The following ZC4H2 variants were observed in gnomAD, a reference collection of about 807,000 sequenced individuals.
The protein encoded by ZC4H2 is zinc finger C4H2 domain-containing protein.
For missense variants in ZC4H2, 137 were observed against 173.9 expected, an observed-to-expected ratio of 0.79 and a Z score of 1.19; for synonymous variants, 84 against 66.3, an observed-to-expected ratio of 1.27 and a Z score of -1.30.
upstream of ZC4H2, among the ~76,000 whole-genome samples, chrX:64,980,557 C>T (rs377398057): frequency 2.7e-5 from 3 of 112,191 alleles, no homozygotes; most frequent in South Asian, 1.1e-3. Context: ...ACATGCCAGG[C>T]ACTCTCCTAG....
At chrX:65,016,204 G>A (rs1932796244) in intron 1 of ZC4H2, among the ~76,000 whole-genome samples, 1 of 111,215 alleles carries the variant, frequency 9.0e-6, no homozygotes. Context: ...AGCTTCAGGT[G>A]AGATACTAAC....
chrX:64,982,632 GA>G (rs1932104258), intron 1 of ZC4H2, among the ~76,000 whole-genome samples: 1 of 112,113 alleles, frequency 8.9e-6, no homozygotes, highest in Admixed American at 9.4e-5. Flanking sequence ...GCTTCATTTA[GA>G]AATCTCAAAA....
intron 1 of ZC4H2, among the ~76,000 whole-genome samples, chrX:65,026,711 G>GAA (rs537124076): frequency 3.1e-5 from 3 of 97,095 alleles, no homozygotes; most frequent in East Asian, 3.2e-4. Flanking sequence ...TCCGTCTCAG[G>GAA]AAAAAAAAAA....
At chrX:64,944,138 TTTC>T (rs1930420540) in intron 1 of ZC4H2, among the ~76,000 whole-genome samples, 3 of 102,872 alleles carry the variant, frequency 2.9e-5, no homozygotes, top group East Asian at 2.9e-4. Flanking sequence ...TTTTTTCTTT[TTTC>T]TTTTTTTTTT....
At chrX:64,937,457 TCTCCA>T (rs1318536403) in intron 1 of ZC4H2, among the ~76,000 whole-genome samples, 1 of 111,474 alleles carries the variant, frequency 9.0e-6, no homozygotes, top group Non-Finnish European at 1.9e-5. Flanking sequence ...TCTACAGAAC[TCTCCA>T]CTCCAAACCA....
rs149142663 is a variant in ZC4H2, at chrX:65,009,560, C to T, written c.-272+25069G>A. Among the ~76,000 whole-genome samples the T allele has an allele frequency of 2.8e-3, 319 of 111,941 alleles. 3 individuals are homozygous for T. The highest frequency in any genetic ancestry group is 9.9e-3 in the African/African-American group (305 of 30,856). On this transcript the variant is annotated intron_variant, in intron 1 of 4. Coordinates refer to the ZC4H2 transcript ENST00000337990. ...TCTTGGAAAACAGAGATAGTGTCTT[C>T]ATTCAGAGCATAGAAGGTTTGCTTA...
intron 1 of ZC4H2, among the ~76,000 whole-genome samples, chrX:64,974,706 T>C (rs778926119): frequency 9.0e-6 from 1 of 110,702 alleles, no homozygotes; most frequent in African/African-American, 3.3e-5. Context: ...AGGTAGAAAC[T>C]CCTAGTTACC....
At chrX:64,928,688 C>G (rs866341182) in intron 1 of ZC4H2, among the ~76,000 whole-genome samples, 2 of 75,159 alleles carry the variant, frequency 2.7e-5, no homozygotes. Context: ...CTTCTTCCTC[C>G]TCCTCTTCTT....
At chrX:64,918,131 A>C in intron 4 of ZC4H2, 5 of 308,053 alleles carry the variant, frequency 1.6e-5, no homozygotes, top group Non-Finnish European at 2.3e-5. Context: ...GTAAGGCAAA[A>C]TGAGAACTAC....
intron 2 of ZC4H2, among the ~76,000 whole-genome samples, chrX:64,920,576 T>A (rs1307954640): frequency 1.8e-5 from 2 of 112,498 alleles, no homozygotes; most frequent in Non-Finnish European, 3.7e-5. Context: ...AGCTGGAATG[T>A]CCTTCAGAGC....
chrX:64,953,896 T>G (rs1042905610), intron 1 of ZC4H2, among the ~76,000 whole-genome samples: 22 of 111,087 alleles, frequency 2.0e-4, no homozygotes, highest in Non-Finnish European at 3.6e-4. Context: ...CTGTTCAGAA[T>G]AGCAAAGACT....
At chrX:65,018,047 G>T (rs1416513782) in intron 1 of ZC4H2, among the ~76,000 whole-genome samples, 1 of 111,767 alleles carries the variant, frequency 8.9e-6, no homozygotes, top group Non-Finnish European at 1.9e-5. Context: ...CTCACAGAAC[G>T]GGATAAAATA....
rs984627355 is a variant in ZC4H2 at position 64,974,257 on chromosome X, GTTC to G, written c.53+2065_53+2067del. ...TTTTCAGTTCTAAAAATGTCACTTT[GTTC>G]TTCTTTATGTTTTATATTTCTTTGT... On this transcript the variant is annotated intron_variant, in intron 1 of 4. Coordinates refer to ENST00000374839, the MANE Select transcript of ZC4H2 (RefSeq NM_018684.4). 6.3e-5 allele frequency among the ~76,000 whole-genome samples: 7 copies of G among 111,394 alleles called. No homozygotes were observed. In the East Asian group the frequency reaches 1.7e-3, roughly 27 times the overall value.
intron 1 of ZC4H2, among the ~76,000 whole-genome samples, chrX:64,957,365 T>C (rs1276978010): frequency 8.9e-6 from 1 of 112,280 alleles, no homozygotes; most frequent in Non-Finnish European, 1.9e-5. Context: ...AATCATTCAT[T>C]GCTCAATTAA....
At chrX:64,999,145 G>A (rs767467301) in intron 1 of ZC4H2, among the ~76,000 whole-genome samples, 17 of 105,820 alleles carry the variant, frequency 1.6e-4, no homozygotes, top group Admixed American at 3.1e-4. Context: ...TGGGGTGGCT[G>A]GCAAGATGGC....
In ZC4H2 at chrX:64,996,924, C is replaced by T. The variant is rs747608540; in HGVS notation, c.-272+37705G>A. On this transcript the variant is annotated intron_variant, in intron 1 of 4. Transcript: ENST00000337990. ...AAGAGAGAGAGAGAAATGGTAGAAACAATATTTCAAGAAATAATGACTGAA... is the reference window on the plus strand; with the variant it reads ...AAGAGAGAGAGAGAAATGGTAGAAATAATATTTCAAGAAATAATGACTGAA... Among the ~76,000 whole-genome samples the T allele has an allele frequency of 8.9e-4, 100 of 111,880 alleles. No homozygotes were observed. In the South Asian group the frequency reaches 0.013, roughly 15 times the overall value.
chrX:64,922,502 A>T (rs1264114871), intron 1 of ZC4H2, among the ~76,000 whole-genome samples: 1 of 111,393 alleles, frequency 9.0e-6, no homozygotes, highest in East Asian at 2.8e-4. Context: ...AATGGGGTTA[A>T]TTTTGTTCCC....
chrX:65,004,118 C>T lies in ZC4H2; in HGVS notation c.-272+30511G>A, dbSNP rs1272310604. On this transcript the variant is annotated intron_variant, in intron 1 of 4. Coordinates refer to the ZC4H2 transcript ENST00000337990. ...TAATAGCCTACCAACCAAAAAAGCCCAGGATGGATTCACAGCCTAATTCTA... is the reference window on the plus strand; with the variant it reads ...TAATAGCCTACCAACCAAAAAAGCCTAGGATGGATTCACAGCCTAATTCTA... 4.5e-5 allele frequency among the ~76,000 whole-genome samples: 5 copies of T among 111,418 alleles called. No individual in the cohort carries two copies. In the Admixed American group the frequency reaches 4.7e-4, roughly 11 times the overall value.
At chrX:64,937,324 A>G (rs1339125349) in intron 1 of ZC4H2, among the ~76,000 whole-genome samples, 5 of 111,241 alleles carry the variant, frequency 4.5e-5, no homozygotes, top group Non-Finnish European at 7.5e-5. Context: ...ACAGACTCCC[A>G]CACAATAATA....
Sources: allele counts gnomAD v4.1 joint callset (sites outside exome capture counted in the v4.1 genomes callset), GRCh38; gene constraint gnomAD v4.1.1; transcripts MANE v1.5; gene names NCBI Gene and HGNC (gene_info 2026-07-23, HGNC 2026-07-21).